CDR2L: variants seen among roughly 807,000 people sequenced by gnomAD.
The protein encoded by CDR2L is cerebellar degeneration-related protein 2-like.
CDR2L carries 19 observed loss-of-function variants against 36.1 expected under a neutral mutation model. That is an observed-to-expected ratio of 0.53 (90% confidence interval 0.37 to 0.77). CDR2L has a LOEUF of 0.77. CDR2L is among the 30% of genes least tolerant of loss of function. The pLI, the probability that CDR2L is intolerant of heterozygous loss-of-function variation, is 0.00. For synonymous variants in CDR2L, 285 were observed against 280.4 expected, an observed-to-expected ratio of 1.02 and a Z score of -0.16; for missense variants, 575 against 627.2, an observed-to-expected ratio of 0.92 and a Z score of 0.89.
At chr17:74,999,835 G>C (rs2039854206) in intron 2 of CDR2L, among the ~76,000 whole-genome samples, 1 of 150,966 alleles carries the variant, frequency 6.6e-6, no homozygotes, top group Non-Finnish European at 1.5e-5. Flanking sequence ...TAGACACCAA[G>C]TCTCACCATG....
In CDR2L at chr17:74,988,082, G is replaced by A. The variant is rs1254743259; in HGVS notation, c.39G>A (p.Glu13=). 3 of 1,532,852 alleles carry A rather than the reference G, an allele frequency of 2.0e-6. No homozygotes were observed. Among genetic ancestry groups the A allele is most frequent in the Non-Finnish European group, 2.6e-6 (3 of 1,140,874 alleles). The allele number at this position is 1,532,852 out of a possible 1,614,324, so 95.0% of individuals were successfully genotyped here. ...CCGGGATGGAGGACTTCTCCGCGGAGGAAGAGGAGTCCTGGTACGACCAGC... is the reference window on the plus strand; with the variant it reads ...CCGGGATGGAGGACTTCTCCGCGGAAGAAGAGGAGTCCTGGTACGACCAGC... The part of the protein sequence containing the change: ...RAAGMEDFSA[E]EEESWYDQQD... Residue 13 remains glutamate, a synonymous_variant, in exon 1 of 5, where the codon GAG becomes GAA. Transcript: ENST00000337231.
Position 75,004,360 on chromosome 17 carries a change from T to C in CDR2L, c.*286T>C, listed in dbSNP as rs140596464. 2.8e-4 allele frequency: 101 copies of C among 362,756 alleles called. No homozygotes were observed. The highest frequency in any genetic ancestry group is 1.7e-3 in the African/African-American group (83 of 47,432). The allele number at this position is 362,756 out of a possible 1,614,324, so 22.5% of individuals were successfully genotyped here. On this transcript the variant is annotated 3_prime_UTR_variant, in exon 5 of 5. Coordinates refer to ENST00000337231, the MANE Select transcript of CDR2L (RefSeq NM_014603.3). ...TCCCCCAGCTCCCCCAGCCCCTGGC[T>C]TCCTGACCCTGCGCCTCACCCTCAG...
In CDR2L at chr17:75,002,135, GCCTGGAACAGCTGCGAGTGCT is replaced by G; in HGVS notation, c.416_436del (p.Leu139_Leu145del). ...CAGGCCCAGGTGGAGCAACTGAGAG[GCCTGGAACAGCTGCGAGTGCT>G]CCGGGAGAAGCGGGAACGCAGGCGT... On this transcript the variant is annotated inframe_deletion, in exon 4 of 5. Transcript: ENST00000337231. This position sits in a 1 kb window ranked among gnomAD's most constrained non-coding sequence, Gnocchi z 4.1. The G allele has an allele frequency of 6.2e-7, 1 of 1,603,678 alleles. No homozygotes were observed. The highest frequency in any genetic ancestry group is 8.5e-7 in the Non-Finnish European group (1 of 1,175,622).
intron 3 of CDR2L, 52 bp downstream of exon 3, chr17:75,001,541 G>GA (rs1374078875): frequency 1.4e-6 from 2 of 1,444,106 alleles, no homozygotes; most frequent in Non-Finnish European, 1.8e-6. Context: ...CCCCAGGGCT[G>GA]AGTGTACACA....
At position 74,989,278 on chromosome 17, in the gene CDR2L, G is replaced by A. The variant is rs1383294668; in HGVS notation, c.79+1156G>A. Among the ~76,000 whole-genome samples, 1 of 152,178 alleles carries A rather than the reference G, an allele frequency of 6.6e-6. No homozygotes were observed. The highest frequency in any genetic ancestry group is 1.5e-5 in the Non-Finnish European group (1 of 68,032). ...GCAGATGAGGCTCTGTCCTTGTGCT[G>A]AGGACAAGGGTTAATCATAGCCTCA... On this transcript the variant is annotated intron_variant, in intron 1 of 4. Coordinates refer to ENST00000337231, the MANE Select transcript of CDR2L (RefSeq NM_014603.3). This position sits in a 1 kb window ranked among gnomAD's most constrained non-coding sequence, Gnocchi z 4.2.
chr17:74,999,287 TGCACACAC>T, intron 1 of CDR2L, among the ~76,000 whole-genome samples: 1 of 41,242 alleles, frequency 2.4e-5, no homozygotes, highest in African/African-American at 5.8e-5. Flanking sequence ...TATTACATCT[TGCACACAC>T]ACACACACAC....
At chr17:74,990,730 C>T (rs1252609265) in intron 1 of CDR2L, among the ~76,000 whole-genome samples, 1 of 152,198 alleles carries the variant, frequency 6.6e-6, no homozygotes, top group Non-Finnish European at 1.5e-5. Context: ...GGGGCATTCC[C>T]GTGGGCCCTG....
intron 1 of CDR2L, among the ~76,000 whole-genome samples, chr17:74,991,103 A>G (rs1324402600): frequency 6.6e-6 from 1 of 152,212 alleles, no homozygotes; most frequent in Non-Finnish European, 1.5e-5. Context: ...ACGAGCATTT[A>G]TAAAAATAGA....
intron 2 of CDR2L, 52 bp from the exon 3 acceptor site, chr17:75,001,289 C>T (rs2144866629): frequency 2.6e-6 from 4 of 1,542,346 alleles, no homozygotes; most frequent in South Asian, 1.3e-5. Flanking sequence ...TAGGCAGAGA[C>T]ATTTGCCCCT....
chr17:74,999,202 C>A (rs1366121665), intron 1 of CDR2L, among the ~76,000 whole-genome samples: 1 of 152,084 alleles, frequency 6.6e-6, no homozygotes, highest in South Asian at 2.1e-4. Flanking sequence ...TAGAACCACA[C>A]CCCTGAGAAT....
chr17:75,000,224 G>A (rs952214047), intron 2 of CDR2L, among the ~76,000 whole-genome samples: 2 of 152,064 alleles, frequency 1.3e-5, no homozygotes, highest in African/African-American at 4.8e-5. Context: ...GCAGTGAGCC[G>A]TGATTGTGCC....
At chr17:74,993,249 T>C (rs1483623989) in intron 1 of CDR2L, among the ~76,000 whole-genome samples, 1 of 151,986 alleles carries the variant, frequency 6.6e-6, no homozygotes, top group Non-Finnish European at 1.5e-5. Flanking sequence ...GTTACTGCCA[T>C]GCGCACAATA....
chr17:74,995,337 AT>A (rs1380042145), intron 1 of CDR2L, among the ~76,000 whole-genome samples: 1 of 149,498 alleles, frequency 6.7e-6, no homozygotes, highest in African/African-American at 2.5e-5. Context: ...TAATGTTCTT[AT>A]TTTTTGTAAA....
intron 2 of CDR2L, among the ~76,000 whole-genome samples, chr17:74,999,857 G>T (rs985237485): frequency 1.3e-5 from 2 of 151,800 alleles, no homozygotes; most frequent in African/African-American, 2.4e-5. Flanking sequence ...TGCCCAGGCT[G>T]GTCTCTAACT....
Position 75,003,418 on chromosome 17 carries a change from G to C in CDR2L, c.742G>C (p.Glu248Gln), listed in dbSNP as rs1317262864. 2 of 1,574,484 alleles carry C rather than the reference G, an allele frequency of 1.3e-6. No individual in the cohort carries two copies. Reference protein sequence around the residue: ...EACRLRVQELEAELLELQQMK... With the variant: ...EACRLRVQELQAELLELQQMK... ...CTGTCGCCTGCGTGTGCAGGAGCTG[G>C]AGGCCGAGCTGCTGGAGCTGCAGCA... Residue 248 changes from glutamate (E) to glutamine (Q), a missense_variant, in exon 5 of 5, where the codon GAG becomes CAG. Transcript: ENST00000337231.
intron 1 of CDR2L, among the ~76,000 whole-genome samples, chr17:74,997,421 C>T (rs947826991): frequency 1.3e-5 from 2 of 152,116 alleles, no homozygotes; most frequent in African/African-American, 4.8e-5. Context: ...TGTCCATTTG[C>T]CTGAGCCTCC....
intron 3 of CDR2L, 23 bp downstream of exon 3, chr17:75,001,512 G>A: frequency 1.3e-6 from 2 of 1,509,576 alleles, no homozygotes; most frequent in East Asian, 2.4e-5. Flanking sequence ...CTGAGGGCTG[G>A]GGGGCGGGCG....
In CDR2L at chr17:75,003,291, G is replaced by A. The variant is rs1462334458; in HGVS notation, c.615G>A (p.Gln205=). 1 of 1,556,594 alleles carries A rather than the reference G, an allele frequency of 6.4e-7. No homozygotes were observed. Among genetic ancestry groups the A allele is most frequent in the Non-Finnish European group, 8.7e-7 (1 of 1,151,070 alleles). ...CCCTGGTGGGGGCGCTGCGCTCCCA[G>A]GTGAGCCAGGAGCGGCAGCGCAAGG... The part of the protein sequence containing the change: ...LQTLVGALRS[Q]VSQERQRKER... Residue 205 remains glutamine, a synonymous_variant, in exon 5 of 5, where the codon CAG becomes CAA. Coordinates refer to ENST00000337231, the MANE Select transcript of CDR2L (RefSeq NM_014603.3).
intron 1 of CDR2L, among the ~76,000 whole-genome samples, chr17:74,997,435 G>A (rs2039835939): frequency 6.6e-6 from 1 of 152,068 alleles, no homozygotes; most frequent in Non-Finnish European, 1.5e-5. Flanking sequence ...AGCCTCCCGG[G>A]GAGAGTGAAG....
Sources: gnomAD v4.1 joint callset for allele counts (sites outside exome capture counted in the v4.1 genomes callset) on GRCh38, gnomAD v4.1.1 for gene constraint, Gnocchi (gnomAD v3.1) non-coding constraint, MANE v1.5 for transcripts, NCBI Gene and HGNC (gene_info 2026-07-23, HGNC 2026-07-21) for gene names.